ARHGEF17: variants seen among roughly 807,000 people sequenced by gnomAD.
ARHGEF17 encodes the protein Rho guanine nucleotide exchange factor 17.
ARHGEF17 carries 80 observed loss-of-function variants against 174.0 expected under a neutral mutation model. The observed-to-expected ratio is 0.46, with a 90% CI of 0.38 to 0.55. The LOEUF is 0.55. Ranked by LOEUF, ARHGEF17 falls within the 20% of genes least tolerant of loss-of-function variation. The pLI is 0.00. For missense variants in ARHGEF17, 2,886 were observed against 2,839.7 expected, an observed-to-expected ratio of 1.02 and a Z score of -0.37; for synonymous variants, 1,311 against 1,189.1, an observed-to-expected ratio of 1.10 and a Z score of -2.11.
At chr11:73,322,482 TC>T (rs1031143251) in intron 1 of ARHGEF17, among the ~76,000 whole-genome samples, 2 of 151,712 alleles carry the variant, frequency 1.3e-5, no homozygotes, top group Non-Finnish European at 2.9e-5. Flanking sequence ...GAGCCAGAAA[TC>T]CCCCCCATGC....
chr11:73,310,039 C>T lies in ARHGEF17; in HGVS notation c.1401C>T (p.Ile467=), dbSNP rs3741149. Residue 467 remains isoleucine, a synonymous_variant, in exon 1 of 21, where the codon ATC becomes ATT. Transcript: ENST00000263674. ...RQRKSLSNPD[I]ASETLTLLSF... ...GGAAGTCCCTGTCAAATCCAGATAT[C>T]GCCTCAGAGACCCTGACGCTTCTCA... 181,575 of 1,613,992 alleles carry T rather than the reference C, an allele frequency of 0.11. 13,085 individuals carry two copies. Among genetic ancestry groups the T allele is most frequent in the African/African-American group, 0.35 (25,985 of 74,940 alleles).
chr11:73,337,415 A>C (rs1478180037), intron 1 of ARHGEF17, among the ~76,000 whole-genome samples: 1 of 151,858 alleles, frequency 6.6e-6, no homozygotes, highest in East Asian at 1.9e-4. Flanking sequence ...AGAAAAAAAA[A>C]AAAAAAAAAG....
chr11:73,329,487 C>T (rs1483658263), intron 1 of ARHGEF17, among the ~76,000 whole-genome samples: 1 of 148,282 alleles, frequency 6.7e-6, no homozygotes, highest in Non-Finnish European at 1.5e-5. Context: ...GCAACCTCTG[C>T]CTCCCAGGTT....
intron 1 of ARHGEF17, among the ~76,000 whole-genome samples, chr11:73,329,470 G>C (rs1865169064): frequency 6.9e-6 from 1 of 145,662 alleles, no homozygotes; most frequent in East Asian, 2.0e-4. Flanking sequence ...TGCGATCTCA[G>C]CTCACTGCAA....
Position 73,365,512 on chromosome 11 carries a change from T to C in ARHGEF17, c.5673T>C (p.Phe1891=). The C allele has an allele frequency of 6.2e-7, 1 of 1,614,138 alleles. No homozygotes were observed. The highest frequency in any genetic ancestry group is 8.5e-7 in the Non-Finnish European group (1 of 1,180,034). The change falls in exon 19 of 21, where the codon TTT becomes TTC. Residue 1891 remains phenylalanine (F), a synonymous_variant. Coordinates refer to ENST00000263674, the MANE Select transcript of ARHGEF17 (RefSeq NM_014786.4). The surrounding 1 kb of genome is among the most constrained non-coding windows in gnomAD (Gnocchi z 4.9). ...TGTGTCTCTACCATCCAGACACCTT[T>C]GAGCAGCTGGCAGAAGTAGACGTCA... The part of the protein sequence containing the change: ...AHVCLYHPDT[F]EQLAEVDVTP...
chr11:73,345,359 G>A (rs2134410355), intron 1 of ARHGEF17, among the ~76,000 whole-genome samples: 1 of 152,222 alleles, frequency 6.6e-6, no homozygotes, highest in East Asian at 1.9e-4. Flanking sequence ...CCTGCCCCAA[G>A]GGGTGTCCTT....
chr11:73,321,932 A>C (rs995807868), intron 1 of ARHGEF17, among the ~76,000 whole-genome samples: 1 of 152,138 alleles, frequency 6.6e-6, no homozygotes, highest in Non-Finnish European at 1.5e-5. Flanking sequence ...ATTGGTTCCC[A>C]GGGGGTGAGC....
rs916287972 is a variant in ARHGEF17 at position 73,310,818 on chromosome 11, C to A, written c.2180C>A (p.Ala727Glu). 1 of 1,612,022 alleles carries A rather than the reference C, an allele frequency of 6.2e-7. No individual in the cohort carries two copies. Among genetic ancestry groups the A allele is most frequent in the Non-Finnish European group, 8.5e-7 (1 of 1,179,646 alleles). Residue 727 changes from alanine (A) to glutamate (E), a missense_variant, in exon 1 of 21, where the codon GCA becomes GAA. Physicochemically the swap from Ala to Glu is moderately radical, Grantham distance 107. This residue lies in a region of ARHGEF17 where 1,728 missense variants were observed against 1,461.2 expected (regional missense o/e 1.18). Transcript: ENST00000263674. ...SGGSELSNGE[A>E]GEAYRSLSDP... ...GGGAGCGAATTGAGCAATGGGGAGGCAGGGGAGGCCTACAGGTCCCTGAGT... is the reference window on the plus strand; with the variant it reads ...GGGAGCGAATTGAGCAATGGGGAGGAAGGGGAGGCCTACAGGTCCCTGAGT...
Position 73,327,261 on chromosome 11 carries a change from C to T in ARHGEF17, c.3192+15431C>T, listed in dbSNP as rs188164822. Among the ~76,000 whole-genome samples the T allele has an allele frequency of 8.4e-3, 1,235 of 147,322 alleles. 18 individuals carry two copies. Among genetic ancestry groups the T allele is most frequent in the African/African-American group, 0.03 (1,139 of 38,110 alleles). On this transcript the variant is annotated intron_variant, in intron 1 of 20. Transcript: ENST00000263674. ...GGAGGTAGGAGCTGGCAACCAGCTA[C>T]GCTCCCAGAATGTGCACCCTGTCTC...
At chr11:73,360,603 C>A in intron 11 of ARHGEF17, 70 bp downstream of exon 11, 1 of 1,533,226 alleles carries the variant, frequency 6.5e-7, no homozygotes, top group Non-Finnish European at 9.0e-7. Context: ...CATCTCACAG[C>A]TGTCTGTGAC....
intron 1 of ARHGEF17, among the ~76,000 whole-genome samples, chr11:73,343,537 T>C (rs977647639): frequency 1.3e-5 from 2 of 152,172 alleles, no homozygotes; most frequent in African/African-American, 4.8e-5. Context: ...GCCAGTGTTA[T>C]CCTGGGTCCA....
chr11:73,328,859 G>A (rs1201018258), intron 1 of ARHGEF17, among the ~76,000 whole-genome samples: 1 of 152,070 alleles, frequency 6.6e-6, no homozygotes, highest in Non-Finnish European at 1.5e-5. Context: ...CAGGGTCCGG[G>A]CTGGGGCAGA....
intron 3 of ARHGEF17, among the ~76,000 whole-genome samples, chr11:73,354,368 T>G (rs543621150): frequency 6.6e-6 from 1 of 152,152 alleles, no homozygotes; most frequent in African/African-American, 2.4e-5. Context: ...TCCCTTTGCT[T>G]CTTCACACCC....
intron 1 of ARHGEF17, among the ~76,000 whole-genome samples, chr11:73,337,429 G>A (rs991918905): frequency 6.7e-6 from 1 of 149,902 alleles, no homozygotes; most frequent in Non-Finnish European, 1.5e-5. Flanking sequence ...AAAAAAGCAT[G>A]TGAGATGATA....
At chr11:73,330,578 G>A (rs1865189044) in intron 1 of ARHGEF17, among the ~76,000 whole-genome samples, 1 of 152,166 alleles carries the variant, frequency 6.6e-6, no homozygotes, top group Admixed American at 6.5e-5. Context: ...GGCTGTGGAG[G>A]GGCAGGGGCA....
At chr11:73,338,622 T>G (rs1410526860) in intron 1 of ARHGEF17, among the ~76,000 whole-genome samples, 1 of 151,970 alleles carries the variant, frequency 6.6e-6, no homozygotes, top group Admixed American at 6.5e-5. Context: ...TTCAGGAGAA[T>G]CTGTTCATGT....
chr11:73,366,037 A>C, intron 20 of ARHGEF17, 90 bp downstream of exon 20: 2 of 1,494,024 alleles, frequency 1.3e-6, no homozygotes, highest in South Asian at 2.5e-5. Context: ...TTCAAGAGGG[A>C]GGAAAAGTGT....
At chr11:73,324,895 G>A (rs1049511732) in intron 1 of ARHGEF17, among the ~76,000 whole-genome samples, 3 of 152,202 alleles carry the variant, frequency 2.0e-5, no homozygotes, top group Non-Finnish European at 4.4e-5. Flanking sequence ...AGTGGGAGGA[G>A]GTGACAGGCA....
intron 1 of ARHGEF17, among the ~76,000 whole-genome samples, chr11:73,329,606 G>A (rs1865171815): frequency 6.6e-6 from 1 of 151,256 alleles, no homozygotes; most frequent in South Asian, 2.1e-4. Flanking sequence ...CACCATGTTG[G>A]CCTCGCTGGC....
Sources: gnomAD v4.1 joint callset for allele counts (sites outside exome capture counted in the v4.1 genomes callset) on GRCh38, gnomAD v4.1.1 for gene constraint, gnomAD v4.1.1 regional missense constraint, Gnocchi (gnomAD v3.1) non-coding constraint, MANE v1.5 for transcripts, NCBI Gene and HGNC (gene_info 2026-07-23, HGNC 2026-07-21) for gene names.